KCNQ1: variants seen among roughly 807,000 people sequenced by gnomAD.
The protein encoded by KCNQ1 is potassium voltage-gated channel subfamily KQT member 1.
A neutral mutation model predicts 72.4 loss-of-function variants in KCNQ1; 49 were observed. The ratio of observed to expected loss-of-function variants is 0.68; its 90% CI spans 0.54 to 0.86. The LOEUF (loss-of-function observed/expected upper bound fraction) is 0.86, where lower values mean the gene tolerates loss of function less well. Among genes scored for constraint, KCNQ1 ranks in the 40% least tolerant of loss-of-function variants. The pLI is 0.00. For synonymous variants in KCNQ1, 450 were observed against 412.6 expected (o/e 1.09, Z -1.10); for missense variants, 790 against 945.1 (o/e 0.84, Z 2.15).
At position 2,536,265 on chromosome 11, in the gene KCNQ1, C is replaced by T. The variant is rs892085281; in HGVS notation, c.477+8247C>T. ...CTGTGCCAGGCTGCAGCAGAGACTC[C>T]GGCCCCACCAGGCTTCCTGTACTTG... On this transcript the variant is annotated intron_variant, in intron 2 of 15. Coordinates refer to ENST00000155840, the MANE Select transcript of KCNQ1 (RefSeq NM_000218.3). The surrounding 1 kb of genome is among the most constrained non-coding windows in gnomAD (Gnocchi z 7.4). Among the ~76,000 whole-genome samples the T allele has an allele frequency of 3.3e-5, 5 of 152,336 alleles. No homozygotes were observed. The East Asian group carries it at 7.7e-4, about 24-fold the overall frequency.
At chr11:2,587,147 C>T (rs186340029) in intron 8 of KCNQ1, among the ~76,000 whole-genome samples, 1 of 152,322 alleles carries the variant, frequency 6.6e-6, no homozygotes, top group East Asian at 1.9e-4. Context: ...CCTGGGCGAC[C>T]CCTCTTTCTC....
At chr11:2,708,024 C>T (rs987078754) in intron 11 of KCNQ1, among the ~76,000 whole-genome samples, 1 of 152,234 alleles carries the variant, frequency 6.6e-6, no homozygotes, top group South Asian at 2.1e-4. Context: ...GCCAACCTCC[C>T]AAAGCACCAG....
Position 2,600,176 on chromosome 11 carries a change from G to C in KCNQ1, c.1393+11322G>C, listed in dbSNP as rs1348200243. Among the ~76,000 whole-genome samples, 1 of 152,134 alleles carries C rather than the reference G, an allele frequency of 6.6e-6. No individual in the cohort carries two copies. Among genetic ancestry groups the C allele is most frequent in the Non-Finnish European group, 1.5e-5 (1 of 68,018 alleles). ...GAGGGAGGAAGTCCTGTCTATTGCAGGATGTTTAGCAGCATCTCCGGCCTC... is the reference window on the plus strand; with the variant it reads ...GAGGGAGGAAGTCCTGTCTATTGCACGATGTTTAGCAGCATCTCCGGCCTC... On this transcript the variant is annotated intron_variant, in intron 10 of 15. Coordinates refer to ENST00000155840, the MANE Select transcript of KCNQ1 (RefSeq NM_000218.3). The surrounding 1 kb of genome is among the most constrained non-coding windows in gnomAD (Gnocchi z 5.6).
At chr11:2,707,545 C>T (rs1216676256) in intron 11 of KCNQ1, among the ~76,000 whole-genome samples, 1 of 152,094 alleles carries the variant, frequency 6.6e-6, no homozygotes, top group Non-Finnish European at 1.5e-5. Flanking sequence ...CTGAGACCTG[C>T]CAGGCTCTCA....
At chr11:2,606,214 C>T (rs1201972479) in intron 10 of KCNQ1, among the ~76,000 whole-genome samples, 1 of 152,074 alleles carries the variant, frequency 6.6e-6, no homozygotes, top group East Asian at 1.9e-4. Flanking sequence ...TTTTTATATA[C>T]TGATTTTGTC....
intron 1 of KCNQ1, 116 bp downstream of exon 1, chr11:2,445,600 G>A: frequency 4.9e-6 from 6 of 1,214,724 alleles, no homozygotes; most frequent in South Asian, 2.6e-5. Context: ...AGCAGAGGAG[G>A]GAAGGAAGTG....
chr11:2,685,143 G>T (rs1401382875), intron 11 of KCNQ1: 1 of 398,548 alleles, frequency 2.5e-6, no homozygotes, highest in Non-Finnish European at 4.4e-6. Context: ...ATCAGGTGTG[G>T]AAGAAGCTGC....
chr11:2,576,836 C>G (rs978696679), intron 6 of KCNQ1, among the ~76,000 whole-genome samples: 1 of 152,220 alleles, frequency 6.6e-6, no homozygotes, highest in African/African-American at 2.4e-5. Context: ...GCGCCGTGGG[C>G]CGAGGGGCGG....
chr11:2,671,804 A>G lies in KCNQ1; in HGVS notation c.1514+9723A>G, dbSNP rs115246282. ...TGACCCAGTCAGGGTTCTTCCCCCAAATAAATCCCTGCAACCCCACTGTGG... is the reference window on the plus strand; with the variant it reads ...TGACCCAGTCAGGGTTCTTCCCCCAGATAAATCCCTGCAACCCCACTGTGG... On this transcript the variant is annotated intron_variant, in intron 11 of 15. Transcript: ENST00000155840. The surrounding 1 kb of genome is among the most constrained non-coding windows in gnomAD (Gnocchi z 4.7). The G allele has an allele frequency of 1.4e-4, 55 of 398,696 alleles. No homozygotes were observed. In the Middle Eastern group the frequency reaches 1.9e-3, roughly 14 times the overall value. The allele number at this position is 398,696 out of a possible 1,614,324, so 24.7% of individuals were successfully genotyped here.
At position 2,623,668 on chromosome 11, in the gene KCNQ1, C is replaced by CATTTTAT; in HGVS notation, c.1393+34814_1393+34815insATTTTAT. The CATTTTAT allele has an allele frequency of 2.5e-6, 1 of 398,472 alleles. No individual in the cohort carries two copies. The highest frequency in any genetic ancestry group is 4.4e-6 in the Non-Finnish European group (1 of 226,012). 24.7% of individuals were successfully genotyped at this position (398,472 alleles called of 1,614,324 possible). On this transcript the variant is annotated intron_variant, in intron 10 of 15. Coordinates refer to ENST00000155840, the MANE Select transcript of KCNQ1 (RefSeq NM_000218.3). The surrounding 1 kb of genome is among the most constrained non-coding windows in gnomAD (Gnocchi z 5.2). ...GTACTACAGTTTATCTGTCTACTCA[C>CATTTTAT]CTATGGAAGGACATCTCGGTTGCTT...
chr11:2,838,776 C>T (rs1037487771), intron 15 of KCNQ1, among the ~76,000 whole-genome samples: 3 of 152,266 alleles, frequency 2.0e-5, no homozygotes, highest in Admixed American at 1.3e-4. Flanking sequence ...GGCAGCAGAG[C>T]GCTCGCTGGC....
rs1850319510 is a variant in KCNQ1, at chr11:2,677,784, A to G, written c.1514+15703A>G. ...TTTAAGAGATCCTCCCTTTCCCCCC[A>G]TTTCCAGCAGGATTAAAATGTTCAT... is the stretch of plus-strand genomic sequence containing the variant. On this transcript the variant is annotated intron_variant, in intron 11 of 15. Coordinates refer to ENST00000155840, the MANE Select transcript of KCNQ1 (RefSeq NM_000218.3). This position sits in a 1 kb window ranked among gnomAD's most constrained non-coding sequence, Gnocchi z 4.5. 1 of 398,460 alleles carries G rather than the reference A, an allele frequency of 2.5e-6. No individual in the cohort carries two copies. The highest frequency in any genetic ancestry group is 4.4e-6 in the Non-Finnish European group (1 of 226,004). 24.7% of individuals were successfully genotyped at this position (398,460 alleles called of 1,614,324 possible).
chr11:2,549,624 G>A lies in KCNQ1; in HGVS notation c.478-21004G>A, dbSNP rs889639991. Among the ~76,000 whole-genome samples the A allele has an allele frequency of 3.3e-5, 5 of 151,898 alleles. No individual in the cohort carries two copies. Among genetic ancestry groups the A allele is most frequent in the Non-Finnish European group, 7.4e-5 (5 of 67,944 alleles). ...TTCCAGTGACTGCTCTGCGAGGCCC[G>A]GGGTAGGGGCGTGGGGGGGCCTCCT... is the stretch of plus-strand genomic sequence containing the variant. On this transcript the variant is annotated intron_variant, in intron 2 of 15. Transcript: ENST00000155840. This position sits in a 1 kb window ranked among gnomAD's most constrained non-coding sequence, Gnocchi z 6.2.
At chr11:2,799,209 ACT>A (rs1281294377) in intron 15 of KCNQ1, among the ~76,000 whole-genome samples, 1 of 151,966 alleles carries the variant, frequency 6.6e-6, no homozygotes, top group Non-Finnish European at 1.5e-5. Flanking sequence ...CAGGAGAGAA[ACT>A]CTCAGAGGCA....
In KCNQ1 at chr11:2,668,530, G is replaced by A; in HGVS notation, c.1514+6449G>A. 1 of 398,618 alleles carries A rather than the reference G, an allele frequency of 2.5e-6. No individual in the cohort carries two copies. Among genetic ancestry groups the A allele is most frequent in the East Asian group, 3.6e-5 (1 of 28,072 alleles). 24.7% of individuals were successfully genotyped at this position (398,618 alleles called of 1,614,324 possible). On this transcript the variant is annotated intron_variant, in intron 11 of 15. Coordinates refer to ENST00000155840, the MANE Select transcript of KCNQ1 (RefSeq NM_000218.3). This position sits in a 1 kb window ranked among gnomAD's most constrained non-coding sequence, Gnocchi z 4.3. ...CATCAAATGGTGATTTTAATTTGCA[G>A]TAACCTGTTGACTAATGAAGTTGAG...
rs765259436 is a variant in KCNQ1 at position 2,611,182 on chromosome 11, A to G, written c.1393+22328A>G. On this transcript the variant is annotated intron_variant, in intron 10 of 15. Coordinates refer to ENST00000155840, the MANE Select transcript of KCNQ1 (RefSeq NM_000218.3). This position sits in a 1 kb window ranked among gnomAD's most constrained non-coding sequence, Gnocchi z 5.3. Reference sequence around the variant, plus strand: ...AATGCTTCTCAGTATCTCTAATAACATGGTTTGTTTTTAAAGTCTATTTTG... The same window carrying G: ...AATGCTTCTCAGTATCTCTAATAACGTGGTTTGTTTTTAAAGTCTATTTTG... 2.5e-6 allele frequency: 1 copy of G among 398,172 alleles called. No individual in the cohort carries two copies. The highest frequency in any genetic ancestry group is 4.4e-6 in the Non-Finnish European group (1 of 226,008). 24.7% of individuals were successfully genotyped at this position (398,172 alleles called of 1,614,324 possible). A position where few individuals can be genotyped will look rare whatever the true frequency, so the allele number is the denominator to read the frequency against.
chr11:2,623,950 A>G lies in KCNQ1; in HGVS notation c.1393+35096A>G, dbSNP rs1849218811. 2 of 398,434 alleles carry G rather than the reference A, an allele frequency of 5.0e-6. No homozygotes were observed. Among genetic ancestry groups the G allele is most frequent in the Non-Finnish European group, 8.8e-6 (2 of 226,036 alleles). The allele number at this position is 398,434 out of a possible 1,614,324, so 24.7% of individuals were successfully genotyped here. On this transcript the variant is annotated intron_variant, in intron 10 of 15. Transcript: ENST00000155840. The surrounding 1 kb of genome is among the most constrained non-coding windows in gnomAD (Gnocchi z 5.2). Reference sequence around the variant, plus strand: ...TTTTAATTCTTTGAAGAACCACCAAACTCTTCTCCACCAGGGCTGCACCAC... The same window carrying G: ...TTTTAATTCTTTGAAGAACCACCAAGCTCTTCTCCACCAGGGCTGCACCAC...
At chr11:2,831,999 G>A (rs1201284355) in intron 15 of KCNQ1, among the ~76,000 whole-genome samples, 4 of 152,172 alleles carry the variant, frequency 2.6e-5, no homozygotes, top group African/African-American at 9.6e-5. Flanking sequence ...CCAGGGGGGT[G>A]GCCTGAGGCC....
At position 2,477,425 on chromosome 11, in the gene KCNQ1, G is replaced by A. The variant is rs904722693; in HGVS notation, c.386+31941G>A. 3.3e-5 allele frequency among the ~76,000 whole-genome samples: 5 copies of A among 152,204 alleles called. No homozygotes were observed. Among genetic ancestry groups the A allele is most frequent in the Non-Finnish European group, 7.3e-5 (5 of 68,036 alleles). ...GAATTAGGATGCCGTCTGCTACTGAGAGAGCCAGTCATGTTAGTGGCTCAA... is the reference window on the plus strand; with the variant it reads ...GAATTAGGATGCCGTCTGCTACTGAAAGAGCCAGTCATGTTAGTGGCTCAA... On this transcript the variant is annotated intron_variant, in intron 1 of 15. Transcript: ENST00000155840. This position sits in a 1 kb window ranked among gnomAD's most constrained non-coding sequence, Gnocchi z 5.0.
Sources: allele counts gnomAD v4.1 joint callset (sites outside exome capture counted in the v4.1 genomes callset), GRCh38; gene constraint gnomAD v4.1.1; non-coding constraint Gnocchi (gnomAD v3.1); transcripts MANE v1.5; gene names NCBI Gene and HGNC (gene_info 2026-07-23, HGNC 2026-07-21).